Variants in MACROD2 observed in about 807,000 individuals in gnomAD.
MACROD2 encodes the protein ADP-ribose glycohydrolase MACROD2.
A neutral mutation model predicts 70.4 loss-of-function variants in MACROD2; 36 were observed. The observed-to-expected ratio is 0.51, with a 90% confidence interval of 0.39 to 0.68. The LOEUF (loss-of-function observed/expected upper bound fraction) is 0.68. MACROD2 is among the 30% of genes least tolerant of loss of function. The pLI is 0.00. For missense variants in MACROD2, 496 were observed against 538.4 expected (o/e 0.92, Z 0.78); for synonymous variants, 172 against 178.8 (o/e 0.96, Z 0.30).
intron 8 of MACROD2, among the ~76,000 whole-genome samples, chr20:15,811,822 T>C (rs557939364): frequency 6.6e-6 from 1 of 152,256 alleles, no homozygotes; most frequent in East Asian, 1.9e-4. Context: ...CTGGTACATA[T>C]GAATAAGCGG....
At chr20:14,280,383 C>G (rs913607921) in intron 3 of MACROD2, among the ~76,000 whole-genome samples, 1 of 152,046 alleles carries the variant, frequency 6.6e-6, no homozygotes, top group Admixed American at 6.5e-5. Context: ...AATTTTGAAG[C>G]TTTTCCTAAG....
At chr20:14,708,973 G>A (rs550702244) in intron 5 of MACROD2, among the ~76,000 whole-genome samples, 3 of 152,218 alleles carry the variant, frequency 2.0e-5, no homozygotes, top group Non-Finnish European at 2.9e-5. Flanking sequence ...CAATGTCTGA[G>A]ATATAGACTT....
intron 3 of MACROD2, among the ~76,000 whole-genome samples, chr20:14,195,707 C>G (rs2081424966): frequency 6.6e-6 from 1 of 152,128 alleles, no homozygotes; most frequent in Non-Finnish European, 1.5e-5. Flanking sequence ...AGCAGGCTGC[C>G]GACTGGCAGA....
At chr20:15,487,797 T>C (rs1372322446) in intron 7 of MACROD2, among the ~76,000 whole-genome samples, 1 of 152,174 alleles carries the variant, frequency 6.6e-6, no homozygotes, top group Non-Finnish European at 1.5e-5. Context: ...GTTTACAAAC[T>C]CAGGCCTTCA....
At chr20:14,522,473 C>G (rs1716517187) in intron 4 of MACROD2, among the ~76,000 whole-genome samples, 1 of 152,152 alleles carries the variant, frequency 6.6e-6, no homozygotes, top group Admixed American at 6.5e-5. Flanking sequence ...GGCCTGTAGC[C>G]ATGTATACAG....
At chr20:15,113,557 T>C (rs956101417) in intron 5 of MACROD2, among the ~76,000 whole-genome samples, 7 of 152,168 alleles carry the variant, frequency 4.6e-5, no homozygotes, top group African/African-American at 1.7e-4. Context: ...AAGTTGCTTT[T>C]GTTTTCCACC....
intron 3 of MACROD2, among the ~76,000 whole-genome samples, chr20:14,307,079 TAGTC>T (rs1275962890): frequency 1.9e-4 from 29 of 151,930 alleles, no homozygotes; most frequent in Middle Eastern, 3.4e-3. Context: ...TGAATTTTAT[TAGTC>T]AGAGAGGGAG....
At chr20:16,023,671 G>T (rs868407386) in intron 15 of MACROD2, among the ~76,000 whole-genome samples, 1 of 152,044 alleles carries the variant, frequency 6.6e-6, no homozygotes, top group African/African-American at 2.4e-5. Context: ...ATTGTTAGCA[G>T]TTGGGACTCA....
chr20:15,040,535 G>T (rs2075348048), intron 5 of MACROD2, among the ~76,000 whole-genome samples: 1 of 141,352 alleles, frequency 7.1e-6, no homozygotes, highest in South Asian at 2.3e-4. Flanking sequence ...CTATTGAGGT[G>T]ACCAATTAGG....
intron 6 of MACROD2, among the ~76,000 whole-genome samples, chr20:15,308,358 T>A (rs2077718179): frequency 1.3e-5 from 2 of 152,114 alleles, no homozygotes; most frequent in East Asian, 1.9e-4. Flanking sequence ...AATAAAAAAA[T>A]TTTAGTCACT....
Position 14,149,619 on chromosome 20 carries a change from T to C in MACROD2, c.271+63891T>C, listed in dbSNP as rs200727371. ...TCTCATTAACAGTGTATAAGTGTTC[T>C]ATTTTCTCCATAGCCTTATAGCCAA... On this transcript the variant is annotated intron_variant, in intron 3 of 17. Coordinates refer to ENST00000684519, the MANE Select transcript of MACROD2 (RefSeq NM_001351661.2). Among the ~76,000 whole-genome samples the C allele has an allele frequency of 1.2e-4, 19 of 152,330 alleles. No individual in the cohort carries two copies. In the East Asian group the frequency reaches 3.5e-3, roughly 28 times the overall value.
At chr20:14,175,344 T>C (rs963320558) in intron 3 of MACROD2, among the ~76,000 whole-genome samples, 2 of 152,220 alleles carry the variant, frequency 1.3e-5, no homozygotes, top group Non-Finnish European at 2.9e-5. Flanking sequence ...TGTAATCCAC[T>C]GTTATTATTC....
At chr20:14,715,352 G>A (rs574847790) in intron 5 of MACROD2, among the ~76,000 whole-genome samples, 315 of 152,240 alleles carry the variant, frequency 2.1e-3, no homozygotes, top group Admixed American at 4.8e-3. Flanking sequence ...TTTGGGTGGG[G>A]ACACAGCCAA....
chr20:14,870,789 G>T (rs2073478893), intron 5 of MACROD2, among the ~76,000 whole-genome samples: 1 of 151,764 alleles, frequency 6.6e-6, no homozygotes, highest in Admixed American at 6.6e-5. Flanking sequence ...TTTTTAATGG[G>T]GTTGTTTCGT....
chr20:14,393,305 CAG>C (rs1318192857), intron 3 of MACROD2, among the ~76,000 whole-genome samples: 2 of 152,078 alleles, frequency 1.3e-5, no homozygotes. Context: ...GAATGGCAAA[CAG>C]AAATTAATGT....
intron 2 of MACROD2, among the ~76,000 whole-genome samples, chr20:14,017,719 A>T (rs2053014256): frequency 6.6e-6 from 1 of 151,730 alleles, no homozygotes; most frequent in Admixed American, 6.6e-5. Flanking sequence ...AGTATTGAGG[A>T]TTTTTTTCAT....
At chr20:15,028,655 C>T (rs2075251475) in intron 5 of MACROD2, among the ~76,000 whole-genome samples, 1 of 152,048 alleles carries the variant, frequency 6.6e-6, no homozygotes, top group Non-Finnish European at 1.5e-5. Context: ...ACCCCTACCT[C>T]CCTGGAAGGT....
intron 2 of MACROD2, among the ~76,000 whole-genome samples, chr20:14,079,060 T>C (rs1302255932): frequency 6.6e-6 from 1 of 152,226 alleles, no homozygotes; most frequent in Non-Finnish European, 1.5e-5. Context: ...TCACCAGTTT[T>C]ATCATTTTTA....
At chr20:14,935,159 A>G (rs1316604947) in intron 5 of MACROD2, 3 of 151,302 alleles carry the variant, frequency 2.0e-5, no homozygotes, top group Non-Finnish European at 4.4e-5. Flanking sequence ...ACGCACGCAC[A>G]CCTTCCTTCA....
Sources: allele counts gnomAD v4.1 joint callset (sites outside exome capture counted in the v4.1 genomes callset), GRCh38; gene constraint gnomAD v4.1.1; transcripts MANE v1.5; gene names NCBI Gene and HGNC (gene_info 2026-07-23, HGNC 2026-07-21).